ARF6: variants seen among roughly 807,000 people sequenced by gnomAD.
ARF6 encodes ARF GTPase 6.
For synonymous variants in ARF6, 127 were observed against 95.5 expected (o/e 1.33, Z -1.92); for missense variants, 75 against 232.0 (o/e 0.32, Z 4.40).
Position 49,896,266 on chromosome 14 carries a change from A to C in ARF6, c.*2002A>C, listed in dbSNP as rs570343509. ...AAGAGCTCTAGAAATGAGGCTGATA[A>C]ACACATCTAAGAACACTGGTTGCTT... On this transcript the variant is annotated 3_prime_UTR_variant, in exon 2 of 2. Coordinates refer to ENST00000298316, the MANE Select transcript of ARF6 (RefSeq NM_001663.4). The C allele has an allele frequency of 3.0e-5, 5 of 167,148 alleles. No individual in the cohort carries two copies. In the South Asian group the frequency reaches 1.0e-3, roughly 35 times the overall value. 10.4% of individuals were successfully genotyped at this position (167,148 alleles called of 1,614,324 possible). A position where few individuals can be genotyped will look rare whatever the true frequency, so the allele number is the denominator to read the frequency against.
chr14:49,894,046 C>T lies in ARF6; in HGVS notation c.310C>T (p.His104Tyr). The T allele has an allele frequency of 2.5e-6, 4 of 1,614,214 alleles. No individual in the cohort carries two copies. The South Asian group carries it at 4.4e-5, about 18-fold the overall frequency. The change falls in exon 2 of 2, where the codon CAC becomes TAC. Residue 104 changes from histidine (H) to tyrosine (Y), a missense_variant. Coordinates refer to ENST00000298316, the MANE Select transcript of ARF6 (RefSeq NM_001663.4). ...CATCGATGAGGCTCGCCAGGAGCTG[C>T]ACCGCATTATCAATGACCGGGAGAT... ...DRIDEARQELHRIINDREMRD... is the reference protein window; with the variant it reads ...DRIDEARQELYRIINDREMRD...
chr14:49,893,198 TCTTCGCTC>T (rs1356609619), intron 1 of ARF6, 41 bp downstream of exon 1: 3 of 152,120 alleles, frequency 2.0e-5, no homozygotes, highest in African/African-American at 7.3e-5. Context: ...GCCACCTCGG[TCTTCGCTC>T]CTTTGTGGAG....
Position 49,893,917 on chromosome 14 carries a change from G to C in ARF6, c.181G>C (p.Val61Leu). The C allele has an allele frequency of 6.2e-7, 1 of 1,614,196 alleles. No individual in the cohort carries two copies. The highest frequency in any genetic ancestry group is 8.5e-7 in the Non-Finnish European group (1 of 1,180,030). ...GACTTACAAAAATGTCAAGTTCAAC[G>C]TATGGGATGTGGGCGGCCAGGACAA... ...TVTYKNVKFN[V>L]WDVGGQDKIR... The change falls in exon 2 of 2, where the codon GTA becomes CTA. Residue 61 changes from valine (V) to leucine (L), a missense_variant. Val to Leu is a conservative substitution (Grantham distance 32). Transcript: ENST00000298316.
At position 49,896,190 on chromosome 14, in the gene ARF6, T is replaced by C. The variant is rs1359202760; in HGVS notation, c.*1926T>C. ...TCCTGTTGGTGCAGAGGGATTTTTT[T>C]GATTTCAGGATACAACTAAAGTACG... On this transcript the variant is annotated 3_prime_UTR_variant, in exon 2 of 2. Transcript: ENST00000298316. The C allele has an allele frequency of 6.0e-6, 1 of 166,660 alleles. No individual in the cohort carries two copies. Among genetic ancestry groups the C allele is most frequent in the Non-Finnish European group, 1.5e-5 (1 of 68,094 alleles). 10.3% of individuals were successfully genotyped at this position (166,660 alleles called of 1,614,324 possible).
chr14:49,893,637 C>T lies in ARF6; in HGVS notation c.-100C>T. The T allele has an allele frequency of 3.4e-6, 5 of 1,474,574 alleles. No individual in the cohort carries two copies. In the South Asian group the frequency reaches 3.9e-5, roughly 11 times the overall value. The allele number at this position is 1,474,574 out of a possible 1,614,324, so 91.3% of individuals were successfully genotyped here. ...CACGCAGGCCGCAAAGGCGCTCTCG[C>T]GGCCGAGAGGCTTCGTTTCGGTTTC... On this transcript the variant is annotated 5_prime_UTR_variant, in exon 2 of 2. Coordinates refer to ENST00000298316, the MANE Select transcript of ARF6 (RefSeq NM_001663.4).
At position 49,893,265 on chromosome 14, in the gene ARF6, C is replaced by T. The variant is rs1366026474; in HGVS notation, c.-472C>T. Reference sequence around the variant, plus strand: ...CTCTGTTTCTCTGCAGGCAGCGCACCGAGTTCCCGCGAGGATCCATGACCT... The same window carrying T: ...CTCTGTTTCTCTGCAGGCAGCGCACTGAGTTCCCGCGAGGATCCATGACCT... On this transcript the variant is annotated 5_prime_UTR_variant, in exon 2 of 2. Transcript: ENST00000298316. 1 of 153,682 alleles carries T rather than the reference C, an allele frequency of 6.5e-6. No individual in the cohort carries two copies. Among genetic ancestry groups the T allele is most frequent in the African/African-American group, 2.4e-5 (1 of 41,474 alleles). The allele number at this position is 153,682 out of a possible 1,614,324, so 9.5% of individuals were successfully genotyped here.
In ARF6 at chr14:49,896,869, GTATT is replaced by G. The variant is rs780686962; in HGVS notation, c.*2609_*2612del. On this transcript the variant is annotated 3_prime_UTR_variant, in exon 2 of 2. Coordinates refer to ENST00000298316, the MANE Select transcript of ARF6 (RefSeq NM_001663.4). Reference sequence around the variant, plus strand: ...AAGTTGTTTAATTGCATCCATTTCTGTATTTATGTGAATTTATAAACTGCAGTAA... The same window carrying G: ...AAGTTGTTTAATTGCATCCATTTCTGTATGTGAATTTATAAACTGCAGTAA... The G allele has an allele frequency of 1.8e-5, 3 of 166,992 alleles. No homozygotes were observed. Among genetic ancestry groups the G allele is most frequent in the Non-Finnish European group, 4.4e-5 (3 of 68,096 alleles). 10.3% of individuals were successfully genotyped at this position (166,992 alleles called of 1,614,324 possible). A position where few individuals can be genotyped will look rare whatever the true frequency, so the allele number is the denominator to read the frequency against.
rs763604943 is a variant in ARF6 at position 49,894,292 on chromosome 14, G to A, written c.*28G>A. 3.8e-6 allele frequency: 6 copies of A among 1,565,244 alleles called. No homozygotes were observed. Among genetic ancestry groups the A allele is most frequent in the Admixed American group, 3.8e-5 (2 of 52,260 alleles). On this transcript the variant is annotated 3_prime_UTR_variant, in exon 2 of 2. Transcript: ENST00000298316. ...AGCATTCTCCACCCATCCCCTGGAA[G>A]GAGAGAAATCAAAAACCCATTCATA...
chr14:49,894,317 A>C lies in ARF6; in HGVS notation c.*53A>C. On this transcript the variant is annotated 3_prime_UTR_variant, in exon 2 of 2. Coordinates refer to ENST00000298316, the MANE Select transcript of ARF6 (RefSeq NM_001663.4). ...GGAGAGAAATCAAAAACCCATTCAT[A>C]GGATTATCGCCACCATCACCTCTTT... 6.7e-7 allele frequency: 1 copy of C among 1,492,512 alleles called. No homozygotes were observed. Among genetic ancestry groups the C allele is most frequent in the Non-Finnish European group, 9.0e-7 (1 of 1,111,752 alleles). 92.5% of individuals were successfully genotyped at this position (1,492,512 alleles called of 1,614,324 possible). A position where few individuals can be genotyped will look rare whatever the true frequency, so the allele number is the denominator to read the frequency against.
rs1312823649 is a variant in ARF6, at chr14:49,896,042, TAA to T, written c.*1779_*1780del. ...TCCTTCACACTTTGGCCATATTGTA[TAA>T]TGGAGCTTTTACCAAAGATGTATGA... On this transcript the variant is annotated 3_prime_UTR_variant, in exon 2 of 2. Coordinates refer to ENST00000298316, the MANE Select transcript of ARF6 (RefSeq NM_001663.4). The T allele has an allele frequency of 6.0e-6, 1 of 166,098 alleles. No homozygotes were observed. Among genetic ancestry groups the T allele is most frequent in the Non-Finnish European group, 1.5e-5 (1 of 68,090 alleles). The allele number at this position is 166,098 out of a possible 1,614,324, so 10.3% of individuals were successfully genotyped here.
Position 49,893,711 on chromosome 14 carries a change from C to A in ARF6, c.-26C>A. 2.5e-6 allele frequency: 4 copies of A among 1,600,800 alleles called. No individual in the cohort carries two copies. Among genetic ancestry groups the A allele is most frequent in the Non-Finnish European group, 3.4e-6 (4 of 1,170,206 alleles). ...TGAGGGGACCCGGGACACCTGAATG[C>A]CCCCGGCCCCGGCTCCTCCGACGCG... On this transcript the variant is annotated 5_prime_UTR_variant, in exon 2 of 2. Coordinates refer to ENST00000298316, the MANE Select transcript of ARF6 (RefSeq NM_001663.4).
At position 49,893,087 on chromosome 14, in the gene ARF6, AGCG is replaced by A; in HGVS notation, c.-543_-541del. 2 of 153,556 alleles carry A rather than the reference AGCG, an allele frequency of 1.3e-5. No homozygotes were observed. The highest frequency in any genetic ancestry group is 1.9e-4 in the East Asian group (1 of 5,216). 9.5% of individuals were successfully genotyped at this position (153,556 alleles called of 1,614,324 possible). A position where few individuals can be genotyped will look rare whatever the true frequency, so the allele number is the denominator to read the frequency against. On this transcript the variant is annotated 5_prime_UTR_variant, in exon 1 of 2. Transcript: ENST00000298316. ...CGGTTTCCTCGGCGCCTTTTCCGGC[AGCG>A]GCGGCGGCAGAACTGGGAGGAGGAG... is the stretch of plus-strand genomic sequence containing the variant.
rs1894476408 is a variant in ARF6 at position 49,893,467 on chromosome 14, G to A, written c.-270G>A. Reference sequence around the variant, plus strand: ...GCCTGCGGGGGGAAGGGCAGTTCCGGGCCGGGCCGCGCCTCAGCAGGGCGG... The same window carrying A: ...GCCTGCGGGGGGAAGGGCAGTTCCGAGCCGGGCCGCGCCTCAGCAGGGCGG... On this transcript the variant is annotated 5_prime_UTR_variant, in exon 2 of 2. Coordinates refer to ENST00000298316, the MANE Select transcript of ARF6 (RefSeq NM_001663.4). 3 of 365,346 alleles carry A rather than the reference G, an allele frequency of 8.2e-6. No individual in the cohort carries two copies. Among genetic ancestry groups the A allele is most frequent in the Non-Finnish European group, 1.5e-5 (3 of 203,136 alleles). The allele number at this position is 365,346 out of a possible 1,614,324, so 22.6% of individuals were successfully genotyped here.
At position 49,896,360 on chromosome 14, in the gene ARF6, A is replaced by G. The variant is rs1387804605; in HGVS notation, c.*2096A>G. The G allele has an allele frequency of 1.8e-5, 3 of 167,072 alleles. No individual in the cohort carries two copies. Among genetic ancestry groups the G allele is most frequent in the East Asian group, 1.9e-4 (1 of 5,208 alleles). 10.3% of individuals were successfully genotyped at this position (167,072 alleles called of 1,614,324 possible). ...TTCAAATGATTGCATTTTAAAGTAT[A>G]TAAATATGGGTTATCCAATATCAAT... is the stretch of plus-strand genomic sequence containing the variant. On this transcript the variant is annotated 3_prime_UTR_variant, in exon 2 of 2. Transcript: ENST00000298316.
chr14:49,893,362 C>T lies in ARF6; in HGVS notation c.-375C>T. 1 of 169,106 alleles carries T rather than the reference C, an allele frequency of 5.9e-6. No individual in the cohort carries two copies. Among genetic ancestry groups the T allele is most frequent in the Non-Finnish European group, 1.2e-5 (1 of 80,228 alleles). The allele number at this position is 169,106 out of a possible 1,614,324, so 10.5% of individuals were successfully genotyped here. On this transcript the variant is annotated 5_prime_UTR_variant, in exon 2 of 2. Coordinates refer to ENST00000298316, the MANE Select transcript of ARF6 (RefSeq NM_001663.4). Reference sequence around the variant, plus strand: ...GGGGAGCCCAGTGCTCGCAGGCCGGCGGGCGGGCCGGAGGGCTGCAGTCTC... The same window carrying T: ...GGGGAGCCCAGTGCTCGCAGGCCGGTGGGCGGGCCGGAGGGCTGCAGTCTC...
Position 49,893,634 on chromosome 14 carries a change from T to A in ARF6, c.-103T>A. The A allele has an allele frequency of 4.1e-6, 6 of 1,468,838 alleles. No individual in the cohort carries two copies. The South Asian group carries it at 7.7e-5, about 19-fold the overall frequency. 91.0% of individuals were successfully genotyped at this position (1,468,838 alleles called of 1,614,324 possible). A position where few individuals can be genotyped will look rare whatever the true frequency, so the allele number is the denominator to read the frequency against. On this transcript the variant is annotated 5_prime_UTR_variant, in exon 2 of 2. Coordinates refer to ENST00000298316, the MANE Select transcript of ARF6 (RefSeq NM_001663.4). Reference sequence around the variant, plus strand: ...TCCCACGCAGGCCGCAAAGGCGCTCTCGCGGCCGAGAGGCTTCGTTTCGGT... The same window carrying A: ...TCCCACGCAGGCCGCAAAGGCGCTCACGCGGCCGAGAGGCTTCGTTTCGGT...
chr14:49,893,267 A>C lies in ARF6; in HGVS notation c.-470A>C, dbSNP rs1230879904. ...CTGTTTCTCTGCAGGCAGCGCACCG[A>C]GTTCCCGCGAGGATCCATGACCTGA... On this transcript the variant is annotated 5_prime_UTR_variant, in exon 2 of 2. Coordinates refer to ENST00000298316, the MANE Select transcript of ARF6 (RefSeq NM_001663.4). The C allele has an allele frequency of 6.5e-6, 1 of 153,648 alleles. No homozygotes were observed. Among genetic ancestry groups the C allele is most frequent in the Middle Eastern group, 3.1e-3 (1 of 320 alleles). 9.5% of individuals were successfully genotyped at this position (153,648 alleles called of 1,614,324 possible).
At position 49,894,429 on chromosome 14, in the gene ARF6, T is replaced by G; in HGVS notation, c.*165T>G. On this transcript the variant is annotated 3_prime_UTR_variant, in exon 2 of 2. Coordinates refer to ENST00000298316, the MANE Select transcript of ARF6 (RefSeq NM_001663.4). ...GGGACGGGGCTTGGGGGTTTTCTCT[T>G]TTGTTTGTTTCCCTTTCTTTTTCCT... 4 of 673,920 alleles carry G rather than the reference T, an allele frequency of 5.9e-6. No homozygotes were observed. Among genetic ancestry groups the G allele is most frequent in the Non-Finnish European group, 9.5e-6 (4 of 419,816 alleles). 41.7% of individuals were successfully genotyped at this position (673,920 alleles called of 1,614,324 possible).
In ARF6 at chr14:49,894,339, C is replaced by T; in HGVS notation, c.*75C>T. 2 of 1,379,802 alleles carry T rather than the reference C, an allele frequency of 1.4e-6. No individual in the cohort carries two copies. The highest frequency in any genetic ancestry group is 1.9e-6 in the Non-Finnish European group (2 of 1,025,996). 85.5% of individuals were successfully genotyped at this position (1,379,802 alleles called of 1,614,324 possible). ...CATAGGATTATCGCCACCATCACCT[C>T]TTTCAATTGCCACTTTCTCTTCTTT... On this transcript the variant is annotated 3_prime_UTR_variant, in exon 2 of 2. Coordinates refer to ENST00000298316, the MANE Select transcript of ARF6 (RefSeq NM_001663.4).
Sources: allele counts gnomAD v4.1 joint callset, GRCh38; gene constraint gnomAD v4.1.1; transcripts MANE v1.5; gene names NCBI Gene and HGNC (gene_info 2026-07-23, HGNC 2026-07-21).